Variants in APBB2 observed in about 807,000 individuals in gnomAD.
APBB2 encodes the protein amyloid beta precursor protein binding family B member 2, also known as Fe65-like 1.
In APBB2, 38 loss-of-function variants were observed where a neutral mutation model predicts 82.5. The ratio of observed to expected loss-of-function variants is 0.46; its 90% confidence interval spans 0.36 to 0.60. APBB2 has a LOEUF of 0.60. APBB2 is among the 20% of genes least tolerant of loss of function. The pLI is 0.00. For synonymous variants in APBB2, 341 were observed against 368.2 expected (o/e 0.93, Z 0.85); for missense variants, 772 against 972.3 (o/e 0.79, Z 2.74).
chr4:41,168,893 G>A (rs905355677), intron 1 of APBB2, among the ~76,000 whole-genome samples: 1 of 152,114 alleles, frequency 6.6e-6, no homozygotes, highest in Non-Finnish European at 1.5e-5. Context: ...GTAAGGAAGA[G>A]GACAGAGAAG....
intron 10 of APBB2, among the ~76,000 whole-genome samples, chr4:40,933,665 G>C (rs1784751495): frequency 6.6e-6 from 1 of 152,226 alleles, no homozygotes; most frequent in African/African-American, 2.4e-5. Flanking sequence ...TAGGGAGGGA[G>C]ATAGGGAGGT....
intron 12 of APBB2, among the ~76,000 whole-genome samples, chr4:40,846,326 C>CAAAAAAAAAAAAA (rs3086182): frequency 1.6e-5 from 1 of 62,516 alleles, no homozygotes; most frequent in Non-Finnish European, 3.0e-5. Context: ...GAAAACACTC[C>CAAAAAAAAAAAAA]AAAAAAAAAA....
At chr4:40,852,614 C>T (rs1162398603) in intron 12 of APBB2, among the ~76,000 whole-genome samples, 2 of 151,844 alleles carry the variant, frequency 1.3e-5, no homozygotes, top group African/African-American at 4.8e-5. Context: ...CTCATCTACA[C>T]TGGAGAACCA....
intron 3 of APBB2, among the ~76,000 whole-genome samples, chr4:41,073,397 A>C (rs1226957829): frequency 2.6e-5 from 4 of 152,208 alleles, no homozygotes; most frequent in Admixed American, 2.6e-4. Flanking sequence ...TAAGTTCAAC[A>C]CTTGCTGTAA....
intron 12 of APBB2, among the ~76,000 whole-genome samples, chr4:40,847,746 G>C (rs1577928979): frequency 6.6e-6 from 1 of 151,846 alleles, no homozygotes; most frequent in Non-Finnish European, 1.5e-5. Flanking sequence ...GAGTACTAGG[G>C]TAGATAACAT....
intron 6 of APBB2, among the ~76,000 whole-genome samples, chr4:40,992,361 T>TTG (rs1553899618): frequency 8.6e-5 from 12 of 139,300 alleles, no homozygotes; most frequent in East Asian, 4.4e-4. Context: ...TTGGTAGAGA[T>TTG]GGGGGGGGGT....
intron 1 of APBB2, among the ~76,000 whole-genome samples, chr4:41,146,239 T>C (rs1338820093): frequency 6.9e-6 from 1 of 144,324 alleles, no homozygotes; most frequent in Non-Finnish European, 1.5e-5. Flanking sequence ...GGCAGGAGGA[T>C]CACTTGAACC....
chr4:40,958,728 CCT>C (rs1792319144), intron 6 of APBB2, among the ~76,000 whole-genome samples: 1 of 152,164 alleles, frequency 6.6e-6, no homozygotes, highest in Non-Finnish European at 1.5e-5. Context: ...GTCTCAACCC[CCT>C]GAGTAGCTGG....
At chr4:41,103,909 C>T (rs967221999) in intron 2 of APBB2, among the ~76,000 whole-genome samples, 20 of 152,100 alleles carry the variant, frequency 1.3e-4, no homozygotes, top group African/African-American at 3.9e-4. Flanking sequence ...AAATACAGTC[C>T]GTCCCAATAG....
At chr4:41,174,729 A>G (rs1769294442) in intron 1 of APBB2, among the ~76,000 whole-genome samples, 2 of 152,212 alleles carry the variant, frequency 1.3e-5, no homozygotes, top group South Asian at 4.1e-4. Context: ...CTACTAGTCA[A>G]GCTCTGAAGA....
chr4:40,872,973 G>A (rs540232547), intron 12 of APBB2, among the ~76,000 whole-genome samples: 190 of 151,548 alleles, frequency 1.3e-3, no homozygotes, highest in Non-Finnish European at 2.2e-3. Context: ...CTGTAATCCC[G>A]GCTACTTGGG....
chr4:41,006,767 T>C (rs1806875347), intron 6 of APBB2, among the ~76,000 whole-genome samples: 2 of 152,172 alleles, frequency 1.3e-5, no homozygotes, highest in Admixed American at 1.3e-4. Context: ...CGCCCAGCCA[T>C]GGGCCTAGTA....
rs1771650159 is a variant in APBB2, at chr4:40,890,416, A to G, written c.1477T>C (p.Ser493Pro). 6.2e-7 allele frequency: 1 copy of G among 1,613,874 alleles called. No homozygotes were observed. The highest frequency in any genetic ancestry group is 8.5e-7 in the Non-Finnish European group (1 of 1,180,020). ...ACGCGGATGCTGACGATGGGCTGCG[A>G]GTGCAGCACGCTGCGGTCCATGGGG... ...VDPMDRSVLH[S>P]QPIVSIRVWG... The change falls in exon 12 of 18, where the codon TCG becomes CCG. Residue 493 changes from serine to proline, a missense_variant. By Grantham distance (74) the Ser-to-Pro change is moderately conservative (BLOSUM62 -1). Coordinates refer to ENST00000508593, the MANE Select transcript of APBB2 (RefSeq NM_004307.2).
At chr4:41,004,963 A>G (rs1222222579) in intron 6 of APBB2, among the ~76,000 whole-genome samples, 2 of 152,138 alleles carry the variant, frequency 1.3e-5, no homozygotes, top group Non-Finnish European at 2.9e-5. Context: ...TTGTTAACTT[A>G]TATGACCAAT....
chr4:41,126,793 TA>T (rs1754536512), intron 2 of APBB2, among the ~76,000 whole-genome samples: 1 of 152,222 alleles, frequency 6.6e-6, no homozygotes, highest in Non-Finnish European at 1.5e-5. Context: ...TGTCTGTGCC[TA>T]ATTTCTTCTT....
intron 2 of APBB2, among the ~76,000 whole-genome samples, chr4:41,122,609 G>C (rs563871956): frequency 6.6e-6 from 1 of 152,032 alleles, no homozygotes; most frequent in Non-Finnish European, 1.5e-5. Context: ...CTATTGTTTT[G>C]ATCCTACTTT....
intron 10 of APBB2, among the ~76,000 whole-genome samples, chr4:40,896,031 A>T (rs539413980): frequency 2.6e-5 from 4 of 151,676 alleles, no homozygotes; most frequent in Non-Finnish European, 5.9e-5. Flanking sequence ...AGGATGATAA[A>T]CAAGGCTGGA....
At chr4:41,000,929 G>C (rs13133980) in intron 6 of APBB2, among the ~76,000 whole-genome samples, 73,340 of 152,000 alleles carry the variant, frequency 0.48, 19,552 homozygotes, top group East Asian at 0.71. Flanking sequence ...TTGAAATCCT[G>C]GAAGAGGCTG....
chr4:40,989,601 T>C (rs1801455398), intron 6 of APBB2, among the ~76,000 whole-genome samples: 1 of 152,150 alleles, frequency 6.6e-6, no homozygotes, highest in Admixed American at 6.5e-5. Context: ...GCTTTGTTAA[T>C]TTGCTTGTTT....
Sources: gnomAD v4.1 joint callset for allele counts (sites outside exome capture counted in the v4.1 genomes callset) on GRCh38, gnomAD v4.1.1 for gene constraint, MANE v1.5 for transcripts, NCBI Gene and HGNC (gene_info 2026-07-23, HGNC 2026-07-21) for gene names.